TBC1D31: variants seen among roughly 807,000 people sequenced by gnomAD.
TBC1D31 encodes WD repeat domain 67.
In TBC1D31, 99 loss-of-function variants were observed where a neutral mutation model predicts 132.9. The ratio of observed to expected loss-of-function variants is 0.74; its 90% CI spans 0.63 to 0.88. The LOEUF is 0.88. Among genes scored for constraint, TBC1D31 ranks in the 40% least tolerant of loss-of-function variants. The probability of loss-of-function intolerance (pLI) is 0.00; values close to 1 mark genes in which losing one functional copy is unlikely to be tolerated. For synonymous variants in TBC1D31, 385 were observed against 419.4 expected (o/e 0.92, Z 1.00); for missense variants, 1,134 against 1,256.6 (o/e 0.90, Z 1.48).
At chr8:123,162,181 A>G in the TBC1D31 span, among the ~76,000 whole-genome samples, 1 of 152,168 alleles carries the variant, frequency 6.6e-6, no homozygotes, top group East Asian at 1.9e-4. Flanking sequence ...TTCCCCCCAC[A>G]GAATACTATC....
chr8:123,084,615 G>C (rs952278104), intron 4 of TBC1D31, among the ~76,000 whole-genome samples: 1 of 152,096 alleles, frequency 6.6e-6, no homozygotes, highest in Non-Finnish European at 1.5e-5. Context: ...TTAACCCTCT[G>C]ACATTTTATT....
downstream of TBC1D31, among the ~76,000 whole-genome samples, chr8:123,154,563 C>T (rs967767268): frequency 6.6e-6 from 1 of 152,154 alleles, no homozygotes; most frequent in Non-Finnish European, 1.5e-5. Flanking sequence ...GCATAAGGAC[C>T]CCGCTTGTCA....
At chr8:123,081,630 G>A (rs1035188589) in intron 2 of TBC1D31, among the ~76,000 whole-genome samples, 12 of 152,116 alleles carry the variant, frequency 7.9e-5, no homozygotes, top group South Asian at 2.1e-4. Context: ...AGACATACCC[G>A]AGACTGGGTA....
At chr8:123,165,148 G>A in the TBC1D31 span, among the ~76,000 whole-genome samples, 3 of 152,208 alleles carry the variant, frequency 2.0e-5, no homozygotes, top group Admixed American at 2.0e-4. Flanking sequence ...GCATTGTGCA[G>A]GAATAAATTT....
the TBC1D31 span, among the ~76,000 whole-genome samples, chr8:123,164,864 T>G: frequency 6.6e-6 from 1 of 152,180 alleles, no homozygotes; most frequent in South Asian, 2.1e-4. Flanking sequence ...AAATAAACAC[T>G]TGGGTTTTAG....
chr8:123,109,285 G>T (rs1047105853), intron 8 of TBC1D31, 32 bp from the exon 9 acceptor site: 1 of 1,464,556 alleles, frequency 6.8e-7, no homozygotes, highest in African/African-American at 1.4e-5. Context: ...TAATGATTGT[G>T]TCATTTATTA....
chr8:123,083,545 A>C (rs1360974387), intron 3 of TBC1D31: 1 of 152,396 alleles, frequency 6.6e-6, no homozygotes, highest in Non-Finnish European at 1.5e-5. Flanking sequence ...GGCGTGAGCC[A>C]CCGCCCGGCC....
chr8:123,072,978 G>A, intron 1 of TBC1D31, 132 bp downstream of exon 1: 2 of 865,316 alleles, frequency 2.3e-6, no homozygotes, highest in East Asian at 2.7e-5. Flanking sequence ...GATGACCTGC[G>A]GTGGAACAGA....
the TBC1D31 span, among the ~76,000 whole-genome samples, chr8:123,162,581 A>T: frequency 6.6e-6 from 1 of 152,150 alleles, no homozygotes; most frequent in Non-Finnish European, 1.5e-5. Flanking sequence ...AAGCCAAGTC[A>T]CTCCAAACAG....
intron 14 of TBC1D31, 49 bp from the exon 15 acceptor site, chr8:123,129,017 A>T: frequency 7.4e-7 from 1 of 1,348,930 alleles, no homozygotes; most frequent in Non-Finnish European, 1.0e-6. Flanking sequence ...TGTTTTGATG[A>T]TTCTTAGCTT....
At chr8:123,093,530 T>G in intron 4 of TBC1D31, 61 bp from the exon 5 acceptor site, 1 of 1,197,672 alleles carries the variant, frequency 8.3e-7, no homozygotes, top group Middle Eastern at 2.8e-4. Context: ...TTGTATAATT[T>G]TAAATTTAAA....
At chr8:123,152,320 G>A (rs1042298386), downstream of TBC1D31, among the ~76,000 whole-genome samples, 1 of 152,188 alleles carries the variant, frequency 6.6e-6, no homozygotes, top group Non-Finnish European at 1.5e-5. Flanking sequence ...AGCGCCAGCA[G>A]CGTGGAGTGG....
In TBC1D31 at chr8:123,126,688, G is replaced by A. The variant is rs199500562; in HGVS notation, c.1884+1G>A. On this transcript the variant is annotated splice_donor_variant, in intron 13 of 21. Coordinates refer to ENST00000287380, the MANE Select transcript of TBC1D31 (RefSeq NM_145647.4). LOFTEE classifies it high-confidence loss of function. ...CTGTAATCTTAAAGATGACTTTGAG[G>A]TAACGGTCCTTGTTCTTAAGAGAAG... 10 of 1,604,160 alleles carry A rather than the reference G, an allele frequency of 6.2e-6. No individual in the cohort carries two copies. The highest frequency in any genetic ancestry group is 7.7e-6 in the Non-Finnish European group (9 of 1,176,270).
At chr8:123,111,024 A>G (rs1257253504) in intron 10 of TBC1D31, among the ~76,000 whole-genome samples, 3 of 151,934 alleles carry the variant, frequency 2.0e-5, no homozygotes, top group African/African-American at 4.8e-5. Flanking sequence ...ATTGTTTAAC[A>G]TGTTTCTCTA....
intron 16 of TBC1D31, among the ~76,000 whole-genome samples, chr8:123,132,834 T>C (rs1405498554): frequency 6.6e-6 from 1 of 152,254 alleles, no homozygotes; most frequent in Non-Finnish European, 1.5e-5. Context: ...CTTTTAATTT[T>C]CTCATCTAGT....
chr8:123,098,324 T>TG (rs1454409004), intron 6 of TBC1D31, among the ~76,000 whole-genome samples: 1 of 152,174 alleles, frequency 6.6e-6, no homozygotes, highest in Non-Finnish European at 1.5e-5. Context: ...TGTTTTGAGA[T>TG]GGAGTCTAGC....
At chr8:123,134,321 A>G (rs1175952172) in intron 17 of TBC1D31, 115 bp downstream of exon 17, 3 of 760,686 alleles carry the variant, frequency 3.9e-6, no homozygotes, top group Non-Finnish European at 6.6e-6. Flanking sequence ...CACTTGAGCT[A>G]AGGAATTCCA....
the TBC1D31 span, among the ~76,000 whole-genome samples, chr8:123,157,719 G>GCGCACACACACACA: frequency 6.8e-6 from 1 of 147,934 alleles, no homozygotes; most frequent in African/African-American, 2.5e-5. Flanking sequence ...GCGCGCGCGC[G>GCGCACACACACACA]CACACACACA....
At chr8:123,142,527 T>A in intron 19 of TBC1D31, 71 bp downstream of exon 19, 1 of 1,267,558 alleles carries the variant, frequency 7.9e-7, no homozygotes. Context: ...AGACAGAGTC[T>A]CACTTTGTTG....
Sources: gnomAD v4.1 joint callset for allele counts (sites outside exome capture counted in the v4.1 genomes callset) on GRCh38, gnomAD v4.1.1 for gene constraint, MANE v1.5 for transcripts, NCBI Gene and HGNC (gene_info 2026-07-23, HGNC 2026-07-21) for gene names.